The following TAF3 variants were observed in gnomAD, a reference collection of about 807,000 sequenced individuals.
The protein encoded by TAF3 is TATA-box binding protein associated factor 3.
TAF3 carries 7 observed loss-of-function variants against 80.6 expected under a neutral mutation model. The ratio of observed to expected loss-of-function variants is 0.09; its 90% CI spans 0.05 to 0.16. TAF3 has a LOEUF of 0.16. TAF3 is among the 10% of genes least tolerant of loss of function. The pLI is 1.00. For missense variants in TAF3, 921 were observed against 1,140.2 expected (o/e 0.81, Z 2.77); for synonymous variants, 444 against 446.1 (o/e 1.00, Z 0.06).
At position 7,998,267 on chromosome 10, in the gene TAF3, A is replaced by ATG. The variant is rs1234156960; in HGVS notation, c.2316-10810_2316-10809insGT. On this transcript the variant is annotated intron_variant, in intron 4 of 6. Transcript: ENST00000344293. ...TATATATATATATATATATATATGTATATATATATATATATATAAATTTAA... is the reference window on the plus strand; with the variant it reads ...TATATATATATATATATATATATGTATGTATATATATATATATATAAATTTAA... 8.9e-3 allele frequency among the ~76,000 whole-genome samples: 409 copies of ATG among 45,876 alleles called. 2 individuals are homozygous for ATG. Among genetic ancestry groups the ATG allele is most frequent in the African/African-American group, 0.021 (376 of 17,710 alleles). 30.1% of individuals were successfully genotyped at this position (45,876 alleles called of 152,430 possible).
chr10:7,882,574 G>A (rs1299006062), intron 2 of TAF3, among the ~76,000 whole-genome samples: 1 of 152,182 alleles, frequency 6.6e-6, no homozygotes, highest in African/African-American at 2.4e-5. Context: ...AGACACGTAG[G>A]TTTATTGGAT....
chr10:7,968,275 C>T (rs965863026), intron 3 of TAF3, among the ~76,000 whole-genome samples: 5 of 152,206 alleles, frequency 3.3e-5, no homozygotes, highest in Non-Finnish European at 7.3e-5. Context: ...CCCTTCTCAT[C>T]ATCCTGACCA....
intron 2 of TAF3, among the ~76,000 whole-genome samples, chr10:7,885,276 C>A (rs987130894): frequency 1.4e-4 from 20 of 139,064 alleles, no homozygotes; most frequent in East Asian, 1.3e-3. Context: ...ACACACACCC[C>A]CACACACACA....
chr10:7,997,016 A>T lies in TAF3; in HGVS notation c.2316-12062A>T, dbSNP rs1200620049. ...GCCGAGGAGAGGGTTAGTTTAAAAT[A>T]CAACATGGGAATCTGTTTCTCAAGG... is the stretch of plus-strand genomic sequence containing the variant. On this transcript the variant is annotated intron_variant, in intron 4 of 6. Coordinates refer to ENST00000344293, the MANE Select transcript of TAF3 (RefSeq NM_031923.4). Among the ~76,000 whole-genome samples, 4 of 152,116 alleles carry T rather than the reference A, an allele frequency of 2.6e-5. No homozygotes were observed. In the East Asian group the frequency reaches 7.7e-4, roughly 29 times the overall value.
chr10:7,952,934 TA>T (rs898678444), intron 2 of TAF3, among the ~76,000 whole-genome samples: 9 of 152,362 alleles, frequency 5.9e-5, no homozygotes, highest in Non-Finnish European at 1.2e-4. Context: ...TCAATGGAAT[TA>T]TTTTTTAGCC....
At position 7,964,795 on chromosome 10, in the gene TAF3, C is replaced by T; in HGVS notation, c.1285C>T (p.Pro429Ser). 6.2e-7 allele frequency: 1 copy of T among 1,614,146 alleles called. No homozygotes were observed. Among genetic ancestry groups the T allele is most frequent in the African/African-American group, 1.3e-5 (1 of 75,038 alleles). ...TACTAGCCCTAAGAGAATTTCAGGC[C>T]CGGAGTGTACTACTCCCAAAGCTTC... ...IFTSPKRISG[P>S]ECTTPKASTS... The change falls in exon 3 of 7, where the codon CCG becomes TCG. Residue 429 changes from proline to serine, a missense_variant. Physicochemically the swap from Pro to Ser is moderately conservative, Grantham distance 74. This residue lies in a region of TAF3 where 743 missense variants were observed against 821.0 expected (regional missense o/e 0.90). Coordinates refer to ENST00000344293, the MANE Select transcript of TAF3 (RefSeq NM_031923.4). The surrounding 1 kb of genome is among the most constrained non-coding windows in gnomAD (Gnocchi z 4.1).
rs891314426 is a variant in TAF3, at chr10:7,965,305, G to A, written c.1795G>A (p.Asp599Asn). 12 of 1,605,672 alleles carry A rather than the reference G, an allele frequency of 7.5e-6. No homozygotes were observed. The African/African-American group carries it at 1.6e-4, about 22-fold the overall frequency. The change falls in exon 3 of 7, where the codon GAT becomes AAT. Residue 599 changes from aspartate (D) to asparagine (N), a missense_variant. Coordinates refer to ENST00000344293, the MANE Select transcript of TAF3 (RefSeq NM_031923.4). ...KFKIKEFEDVDPKVKLKDGLV... is the reference protein window; with the variant it reads ...KFKIKEFEDVNPKVKLKDGLV... The stretch of plus-strand genomic sequence containing the variant: ...TAAAATCAAAGAATTTGAAGATGTT[G>A]ATCCCAAAGTGAAATTGAAAGATGG...
intron 5 of TAF3, among the ~76,000 whole-genome samples, chr10:8,012,064 C>G (rs971111206): frequency 2.0e-5 from 3 of 152,124 alleles, no homozygotes; most frequent in African/African-American, 7.2e-5. Context: ...GTAGTCTCAA[C>G]TACTCAGGAG....
intron 4 of TAF3, among the ~76,000 whole-genome samples, 182 bp downstream of exon 4, chr10:7,977,505 GCTTT>G (rs1320686474): frequency 6.6e-6 from 1 of 151,702 alleles, no homozygotes; most frequent in African/African-American, 2.4e-5. Flanking sequence ...AATGCTTTTT[GCTTT>G]ATTTGACGTA....
intron 2 of TAF3, among the ~76,000 whole-genome samples, chr10:7,911,459 A>G (rs140192506): frequency 6.6e-6 from 1 of 152,370 alleles, no homozygotes; most frequent in East Asian, 1.9e-4. Context: ...GCAGACCCAA[A>G]GGAAATAAAG....
At chr10:7,920,620 G>A (rs538327253) in intron 2 of TAF3, among the ~76,000 whole-genome samples, 3 of 152,126 alleles carry the variant, frequency 2.0e-5, no homozygotes, top group East Asian at 3.9e-4. Context: ...GAATTTGTAC[G>A]ATATAAATCC....
intron 2 of TAF3, among the ~76,000 whole-genome samples, chr10:7,856,954 G>C (rs1408687563): frequency 6.6e-6 from 1 of 150,968 alleles, no homozygotes; most frequent in Non-Finnish European, 1.5e-5. Context: ...ATACTAATGA[G>C]ATAAGCAATA....
rs139759999 is a variant in TAF3 at position 7,864,262 on chromosome 10, C to T, written c.409+39702C>T. 1.2e-4 allele frequency among the ~76,000 whole-genome samples: 19 copies of T among 152,306 alleles called. No homozygotes were observed. The East Asian group carries it at 3.7e-3, about 29-fold the overall frequency. ...TTCCCTCCCTTACCCCAACCTGTGG[C>T]AACTACTGATCATTTTATTGTCTCC... On this transcript the variant is annotated intron_variant, in intron 2 of 6. Coordinates refer to ENST00000344293, the MANE Select transcript of TAF3 (RefSeq NM_031923.4).
intron 2 of TAF3, among the ~76,000 whole-genome samples, chr10:7,915,499 C>T (rs918094224): frequency 2.0e-5 from 3 of 150,400 alleles, no homozygotes; most frequent in Non-Finnish European, 4.4e-5. Flanking sequence ...AAAAATTAGC[C>T]GGGCATGGTG....
At chr10:7,828,921 T>A in intron 2 of TAF3, among the ~76,000 whole-genome samples, 1 of 147,920 alleles carries the variant, frequency 6.8e-6, no homozygotes, top group Non-Finnish European at 1.5e-5. Flanking sequence ...TCCCAGCTAC[T>A]CGGGAGGCTG....
intron 2 of TAF3, among the ~76,000 whole-genome samples, chr10:7,940,863 G>A (rs1837969295): frequency 6.6e-6 from 1 of 151,780 alleles, no homozygotes; most frequent in Non-Finnish European, 1.5e-5. Flanking sequence ...GGAGACTGAG[G>A]TAAGAGGATC....
At chr10:7,822,379 T>C (rs1836698939) in intron 1 of TAF3, among the ~76,000 whole-genome samples, 1 of 152,100 alleles carries the variant, frequency 6.6e-6, no homozygotes, top group Non-Finnish European at 1.5e-5. Flanking sequence ...ATAATAGCTT[T>C]AATAGGAATA....
At chr10:7,947,980 A>C (rs775062189) in intron 2 of TAF3, among the ~76,000 whole-genome samples, 1 of 147,780 alleles carries the variant, frequency 6.8e-6, no homozygotes, top group Non-Finnish European at 1.5e-5. Flanking sequence ...TTGACGCACT[A>C]TAACTTCCTG....
chr10:7,977,636 G>A (rs1441956093), intron 4 of TAF3, among the ~76,000 whole-genome samples: 1 of 152,046 alleles, frequency 6.6e-6, no homozygotes, highest in Non-Finnish European at 1.5e-5. Context: ...GTACTGAATG[G>A]ACTTACTGCC....
Sources: allele counts gnomAD v4.1 joint callset (sites outside exome capture counted in the v4.1 genomes callset), GRCh38; gene constraint gnomAD v4.1.1; regional missense constraint gnomAD v4.1.1; non-coding constraint Gnocchi (gnomAD v3.1); transcripts MANE v1.5; gene names NCBI Gene and HGNC (gene_info 2026-07-23, HGNC 2026-07-21).